Variants in BBS7 observed in about 807,000 individuals in gnomAD.
The protein encoded by BBS7 is BBSome complex member BBS7.
A neutral mutation model predicts 90.3 loss-of-function variants in BBS7; 50 were observed. That is an observed-to-expected ratio of 0.55 (90% confidence interval 0.44 to 0.70). The LOEUF is 0.70. BBS7 is among the 30% of genes least tolerant of loss of function. The pLI, the probability that BBS7 is intolerant of heterozygous loss-of-function variation, is 0.00. For missense variants in BBS7, 729 were observed against 838.9 expected, an observed-to-expected ratio of 0.87 and a Z score of 1.62; for synonymous variants, 235 against 287.4, an observed-to-expected ratio of 0.82 and a Z score of 1.85.
intron 5 of BBS7, among the ~76,000 whole-genome samples, chr4:121,858,335 T>C (rs1460754206): frequency 6.6e-6 from 1 of 151,606 alleles, no homozygotes; most frequent in Non-Finnish European, 1.5e-5. Context: ...TTACATGCTA[T>C]TTACCTTTAA....
In BBS7 at chr4:121,854,699, C is replaced by A; in HGVS notation, c.718+5G>T. ...CTCAGAATCTGAACTACATGAAAAG[C>A]ATACCTCCTCTCTTTTTCTCATTTT... On this transcript the variant is annotated splice_donor_5th_base_variant and intron_variant, in intron 7 of 18. Transcript: ENST00000264499. 6.2e-7 allele frequency: 1 copy of A among 1,610,652 alleles called. No individual in the cohort carries two copies. The highest frequency in any genetic ancestry group is 1.1e-5 in the South Asian group (1 of 90,652).
At chr4:121,842,121 G>A (rs771827453) in intron 12 of BBS7, among the ~76,000 whole-genome samples, 13 of 151,448 alleles carry the variant, frequency 8.6e-5, no homozygotes, top group Non-Finnish European at 1.9e-4. Context: ...GTGTGGTGGC[G>A]TGTGCGTGTA....
At chr4:121,866,064 T>G (rs1010205802) in intron 2 of BBS7, among the ~76,000 whole-genome samples, 3 of 152,212 alleles carry the variant, frequency 2.0e-5, no homozygotes, top group Non-Finnish European at 4.4e-5. Flanking sequence ...TTAATCAGAT[T>G]GCTTGTTTGT....
At chr4:121,868,143 TG>T in intron 1 of BBS7, 97 bp from the exon 2 acceptor site, 1 of 913,918 alleles carries the variant, frequency 1.1e-6, no homozygotes. Flanking sequence ...CTGAAATTAG[TG>T]ATATAACTAT....
chr4:121,867,716 T>C lies in BBS7; in HGVS notation c.102+265A>G, dbSNP rs563227837. On this transcript the variant is annotated intron_variant, in intron 2 of 18. Transcript: ENST00000264499. ...TCTGCTTTATATTTCTTTTTTCATA[T>C]ACACATCTGACACACAGAAAAAATG... Among the ~76,000 whole-genome samples, 6 of 152,328 alleles carry C rather than the reference T, an allele frequency of 3.9e-5. No individual in the cohort carries two copies. The South Asian group carries it at 1.2e-3, about 32-fold the overall frequency.
chr4:121,852,892 C>T (rs1726395053), intron 8 of BBS7, 64 bp downstream of exon 8: 1 of 1,501,644 alleles, frequency 6.7e-7, no homozygotes, highest in African/African-American at 1.4e-5. Context: ...AAAATTCAAA[C>T]CATCTGTCAT....
chr4:121,857,121 CTT>C (rs113652840), intron 5 of BBS7, among the ~76,000 whole-genome samples: 14 of 143,494 alleles, frequency 9.8e-5, no homozygotes, highest in Admixed American at 1.4e-4. Context: ...TATGCTTTAT[CTT>C]TTTTTTTTTT....
chr4:121,861,636 T>C lies in BBS7; in HGVS notation c.209A>G (p.Glu70Gly). The change falls in exon 4 of 19, where the codon GAA (glutamate) becomes GGA (glycine). Residue 70 changes from glutamate to glycine, a missense_variant. Glu to Gly is a moderately conservative substitution (Grantham distance 98). Transcript: ENST00000264499. ...AGGTGTGTTGATAACCCCTCCCAGT[T>C]CCAGCCTTGCAATCTTCGGCCCGGG... is the stretch of plus-strand genomic sequence containing the variant. ...TLPGPKIARL[E>G]LGGVINTPQE... The C allele has an allele frequency of 6.2e-7, 1 of 1,613,846 alleles. No homozygotes were observed. The highest frequency in any genetic ancestry group is 8.5e-7 in the Non-Finnish European group (1 of 1,179,842).
At chr4:121,861,803 A>T in intron 3 of BBS7, 124 bp from the exon 4 acceptor site, 1 of 913,456 alleles carries the variant, frequency 1.1e-6, no homozygotes, top group Non-Finnish European at 1.7e-6. Context: ...TATAGAAATA[A>T]TTTTAGATAA....
In BBS7 at chr4:121,824,350, C is replaced by CAT. The variant is rs1724809109; in HGVS notation, c.*1508_*1509dup. The CAT allele has an allele frequency of 6.6e-6, 1 of 152,134 alleles. No homozygotes were observed. Among genetic ancestry groups the CAT allele is most frequent in the Non-Finnish European group, 1.5e-5 (1 of 68,034 alleles). The allele number at this position is 152,134 out of a possible 1,614,324, so 9.4% of individuals were successfully genotyped here. A position where few individuals can be genotyped will look rare whatever the true frequency, so the allele number is the denominator to read the frequency against. On this transcript the variant is annotated 3_prime_UTR_variant, in exon 19 of 19. Coordinates refer to ENST00000264499, the MANE Select transcript of BBS7 (RefSeq NM_176824.3). The surrounding 1 kb of genome is among the most constrained non-coding windows in gnomAD (Gnocchi z 4.1). ...GTTAATAGGGACTAATAACTACAGT[C>CAT]ATATGGTTGTTAGGATTAAATAATG... is the stretch of plus-strand genomic sequence containing the variant.
In BBS7 at chr4:121,846,381, G is replaced by A. The variant is rs571460537; in HGVS notation, c.1038-685C>T. ...TTTAGGAGGAAAAGTCTAGGGAGGA[G>A]CTTAGAAGGGATCTGTGTAATGAAC... On this transcript the variant is annotated intron_variant, in intron 10 of 18. Coordinates refer to ENST00000264499, the MANE Select transcript of BBS7 (RefSeq NM_176824.3). Among the ~76,000 whole-genome samples the A allele has an allele frequency of 1.7e-4, 26 of 152,274 alleles. 1 individual carries two copies. In the South Asian group the frequency reaches 5.4e-3, roughly 32 times the overall value.
intron 15 of BBS7, among the ~76,000 whole-genome samples, chr4:121,832,493 G>A (rs1206141068): frequency 6.6e-6 from 1 of 152,198 alleles, no homozygotes; most frequent in Non-Finnish European, 1.5e-5. Flanking sequence ...TTCACATTCA[G>A]AGACAGGTTA....
chr4:121,869,687 C>A (rs1322859237), intron 1 of BBS7, among the ~76,000 whole-genome samples: 1 of 152,118 alleles, frequency 6.6e-6, no homozygotes. Context: ...TACAGGCGCC[C>A]GCCACCACAC....
At chr4:121,845,283 A>T (rs1725947776) in intron 11 of BBS7, among the ~76,000 whole-genome samples, 2 of 152,036 alleles carry the variant, frequency 1.3e-5, no homozygotes, top group Admixed American at 1.3e-4. Flanking sequence ...CAGGAGAATC[A>T]CTTGAACCTG....
At chr4:121,841,400 T>C (rs1306594439) in intron 12 of BBS7, among the ~76,000 whole-genome samples, 1 of 151,454 alleles carries the variant, frequency 6.6e-6, no homozygotes, top group East Asian at 1.9e-4. Context: ...CTACAAAAAA[T>C]AAAAAATAAA....
intron 15 of BBS7, among the ~76,000 whole-genome samples, chr4:121,829,916 T>C (rs915438233): frequency 6.6e-6 from 1 of 152,168 alleles, no homozygotes; most frequent in African/African-American, 2.4e-5. Context: ...GTGAGGCAGA[T>C]TACTGCTAGA....
rs778566860 is a variant in BBS7 at position 121,833,418 on chromosome 4, C to A, written c.1512-23G>T. On this transcript the variant is annotated intron_variant, in intron 14 of 18. Coordinates refer to ENST00000264499, the MANE Select transcript of BBS7 (RefSeq NM_176824.3). Reference sequence around the variant, plus strand: ...GGTCTGTAATATAATAGTAGAGGCGCACATTTATGTGTGGGAATACATGAA... The same window carrying A: ...GGTCTGTAATATAATAGTAGAGGCGAACATTTATGTGTGGGAATACATGAA... 3 of 1,609,872 alleles carry A rather than the reference C, an allele frequency of 1.9e-6. No homozygotes were observed. The East Asian group carries it at 6.7e-5, about 36-fold the overall frequency.
Position 121,828,149 on chromosome 4 carries a change from A to G in BBS7, c.2011T>C (p.Tyr671His). The G allele has an allele frequency of 6.2e-7, 1 of 1,613,792 alleles. No homozygotes were observed. Among genetic ancestry groups the G allele is most frequent in the South Asian group, 1.1e-5 (1 of 91,070 alleles). The change falls in exon 18 of 19, where the codon TAT (tyrosine) becomes CAT (histidine). Residue 671 changes from tyrosine (Y) to histidine (H), a missense_variant. Coordinates refer to ENST00000264499, the MANE Select transcript of BBS7 (RefSeq NM_176824.3). The stretch of plus-strand genomic sequence containing the variant: ...TATTCTAGAATGGTCCACTAACCAT[A>G]GAGTCTTTCAAGATGTGCAGGTTGC... ...KKQPAHLERL[Y>H]GMITDLFIDK...
rs1002646247 is a variant in BBS7 at position 121,854,749 on chromosome 4, T to C, written c.673A>G (p.Lys225Glu). The change falls in exon 7 of 19, where the codon AAA becomes GAA. Residue 225 changes from lysine (K) to glutamate (E), a missense_variant. Lys to Glu is a moderately conservative substitution (Grantham distance 56). Transcript: ENST00000264499. ...TGAATTTCCCACTTGCGTACTGGTT[T>C]GGATGTAGTAATCTGTATAAGCGCA... The part of the protein sequence containing the change: ...KLALIQITTS[K>E]PVRKWEIQNE... 1 of 1,612,762 alleles carries C rather than the reference T, an allele frequency of 6.2e-7. No individual in the cohort carries two copies. Among genetic ancestry groups the C allele is most frequent in the African/African-American group, 1.3e-5 (1 of 74,902 alleles).
Sources: gnomAD v4.1 joint callset for allele counts (sites outside exome capture counted in the v4.1 genomes callset) on GRCh38, gnomAD v4.1.1 for gene constraint, Gnocchi (gnomAD v3.1) non-coding constraint, MANE v1.5 for transcripts, NCBI Gene and HGNC (gene_info 2026-07-23, HGNC 2026-07-21) for gene names.